The following IGSF9B variants were observed in gnomAD, a reference collection of about 807,000 sequenced individuals.
IGSF9B encodes immunoglobulin superfamily member 9B.
Under a neutral mutation model 143.7 loss-of-function variants are expected in IGSF9B, and 48 were observed. That is an observed-to-expected ratio of 0.33 (90% CI 0.26 to 0.42). The LOEUF (loss-of-function observed/expected upper bound fraction) is 0.42, where lower values mean the gene tolerates loss of function less well. IGSF9B is among the 20% of genes least tolerant of loss of function. The pLI is 1.00. For missense variants in IGSF9B, 1,706 were observed against 1,980.0 expected, an observed-to-expected ratio of 0.86 and a Z score of 2.63; for synonymous variants, 903 against 833.1, an observed-to-expected ratio of 1.08 and a Z score of -1.44.
chr11:133,921,589 G>C (rs947994941), intron 17 of IGSF9B, among the ~76,000 whole-genome samples, 192 bp from the exon 18 acceptor site: 2 of 151,600 alleles, frequency 1.3e-5, no homozygotes, highest in Non-Finnish European at 2.9e-5. Flanking sequence ...TTTTTTTAAA[G>C]ACGGGGTCTT....
rs1356859003 is a variant in IGSF9B, at chr11:133,945,345, G to T, written c.262+716C>A. ...GAGCGAAAGAGGGACAGAGACGGAA[G>T]CATTCTGAGAAAGGCAGGGCAGACC... On this transcript the variant is annotated intron_variant, in intron 2 of 19. Transcript: ENST00000533871. The surrounding 1 kb of genome is among the most constrained non-coding windows in gnomAD (Gnocchi z 4.6). 1.3e-5 allele frequency among the ~76,000 whole-genome samples: 2 copies of T among 152,226 alleles called. No individual in the cohort carries two copies. The highest frequency in any genetic ancestry group is 1.3e-4 in the Admixed American group (2 of 15,288).
chr11:133,912,464 A>T (rs1939315965), intron 18 of IGSF9B: 1 of 427,712 alleles, frequency 2.3e-6, no homozygotes. Context: ...CTCCATCTCC[A>T]GAAAAGGGGG....
rs1257921346 is a variant in IGSF9B at position 133,897,307 on chromosome 11, C to G, written c.*11762G>C. ...TCAAGCTCGTACTTAGTACATTCAC[C>G]ATGACACTGTGCACCTGTGAGCTCT... On this transcript the variant is annotated 3_prime_UTR_variant, in exon 20 of 20. Coordinates refer to ENST00000533871, the MANE Select transcript of IGSF9B (RefSeq NM_001277285.4). The G allele has an allele frequency of 6.6e-6, 1 of 152,328 alleles. No individual in the cohort carries two copies. The highest frequency in any genetic ancestry group is 1.5e-5 in the Non-Finnish European group (1 of 68,106). The allele number at this position is 152,328 out of a possible 1,614,324, so 9.4% of individuals were successfully genotyped here.
At position 133,922,613 on chromosome 11, in the gene IGSF9B, C is replaced by T. The variant is rs776341848; in HGVS notation, c.2237G>A (p.Cys746Tyr). 4 of 1,609,268 alleles carry T rather than the reference C, an allele frequency of 2.5e-6. No individual in the cohort carries two copies. The Admixed American group carries it at 6.7e-5, about 27-fold the overall frequency. ...ACGCTTGCGCTGCTTGTTGACAAAG[C>T]AGGCAGCCAGGGTGCTGAACAGGAT... Reference protein sequence around the residue: ...AAILFSTLAACFVNKQRKRKL... With the variant: ...AAILFSTLAAYFVNKQRKRKL... The change falls in exon 16 of 20, where the codon TGC becomes TAC. Residue 746 changes from cysteine (C) to tyrosine (Y), a missense_variant. Transcript: ENST00000533871.
chr11:133,935,548 C>T, intron 7 of IGSF9B, 69 bp downstream of exon 7: 5 of 1,317,268 alleles, frequency 3.8e-6, no homozygotes, highest in Non-Finnish European at 5.2e-6. Context: ...ACCCTCCAGC[C>T]TACAGTCTGG....
intron 17 of IGSF9B, among the ~76,000 whole-genome samples, chr11:133,921,710 T>A (rs1418617467): frequency 1.3e-5 from 2 of 151,860 alleles, no homozygotes; most frequent in Admixed American, 6.6e-5. Flanking sequence ...GCCCCCCCCA[T>A]CATCCGTCTT....
At position 133,948,056 on chromosome 11, in the gene IGSF9B, C is replaced by CGTGTGTGTGTGTGTGTGT. The variant is rs71038546; in HGVS notation, c.65-1816_65-1799dup. Among the ~76,000 whole-genome samples the CGTGTGTGTGTGTGTGTGT allele has an allele frequency of 1.4e-5, 2 of 147,296 alleles. No individual in the cohort carries two copies. The highest frequency in any genetic ancestry group is 5.1e-5 in the African/African-American group (2 of 39,190). ...CTGTTTCTGTCTACCAGCATGTGTG[C>CGTGTGTGTGTGTGTGTGT]GTGTGTGTGTGTGTGTGTGTGTGTG... On this transcript the variant is annotated intron_variant, in intron 1 of 19. Coordinates refer to ENST00000533871, the MANE Select transcript of IGSF9B (RefSeq NM_001277285.4). The surrounding 1 kb of genome is among the most constrained non-coding windows in gnomAD (Gnocchi z 4.7).
chr11:133,948,894 G>A lies in IGSF9B; in HGVS notation c.65-2636C>T, dbSNP rs571116528. ...TGGCTTCCAGGTGGAGGGCTCTAGCGGGCAACGCCAGGAGGTGGGTTGGCT... is the reference window on the plus strand; with the variant it reads ...TGGCTTCCAGGTGGAGGGCTCTAGCAGGCAACGCCAGGAGGTGGGTTGGCT... On this transcript the variant is annotated intron_variant, in intron 1 of 19. Coordinates refer to ENST00000533871, the MANE Select transcript of IGSF9B (RefSeq NM_001277285.4). This position sits in a 1 kb window ranked among gnomAD's most constrained non-coding sequence, Gnocchi z 4.7. Among the ~76,000 whole-genome samples the A allele has an allele frequency of 1.3e-4, 20 of 152,232 alleles. No individual in the cohort carries two copies. The highest frequency in any genetic ancestry group is 3.9e-4 in the African/African-American group (16 of 41,546).
In IGSF9B at chr11:133,902,835, C is replaced by T. The variant is rs1939160286; in HGVS notation, c.*6234G>A. Among the ~76,000 whole-genome samples, 1 of 152,168 alleles carries T rather than the reference C, an allele frequency of 6.6e-6. No homozygotes were observed. The highest frequency in any genetic ancestry group is 6.5e-5 in the Admixed American group (1 of 15,274). On this transcript the variant is annotated 3_prime_UTR_variant, in exon 20 of 20. Transcript: ENST00000533871. The stretch of plus-strand genomic sequence containing the variant: ...AAGATGACCGTGAGGAGGCTCATCC[C>T]TCCACCAGAAATACAGCTTCATAGA...
chr11:133,955,354 C>T (rs1940232283), intron 1 of IGSF9B, among the ~76,000 whole-genome samples: 1 of 152,242 alleles, frequency 6.6e-6, no homozygotes, highest in Admixed American at 6.5e-5. Context: ...CTTCGCTTCG[C>T]CCTCTGCTCG....
In IGSF9B at chr11:133,931,336, G is replaced by T; in HGVS notation, c.1368+117C>A. ...GGTCCAGAATAGAACTGCTCGCTGGGCCCTCACACCTCCCCTCAGCCCCGG... is the reference window on the plus strand; with the variant it reads ...GGTCCAGAATAGAACTGCTCGCTGGTCCCTCACACCTCCCCTCAGCCCCGG... On this transcript the variant is annotated intron_variant, in intron 10 of 19. Transcript: ENST00000533871. This position sits in a 1 kb window ranked among gnomAD's most constrained non-coding sequence, Gnocchi z 7.7. 1 of 854,004 alleles carries T rather than the reference G, an allele frequency of 1.2e-6. No individual in the cohort carries two copies. The allele number at this position is 854,004 out of a possible 1,614,324, so 52.9% of individuals were successfully genotyped here. A position where few individuals can be genotyped will look rare whatever the true frequency, so the allele number is the denominator to read the frequency against.
rs547750322 is a variant in IGSF9B at position 133,907,009 on chromosome 11, T to A, written c.*2060A>T. 6.6e-6 allele frequency among the ~76,000 whole-genome samples: 1 copy of A among 152,120 alleles called. No individual in the cohort carries two copies. Among genetic ancestry groups the A allele is most frequent in the Non-Finnish European group, 1.5e-5 (1 of 68,026 alleles). On this transcript the variant is annotated 3_prime_UTR_variant, in exon 20 of 20. Coordinates refer to ENST00000533871, the MANE Select transcript of IGSF9B (RefSeq NM_001277285.4). The stretch of plus-strand genomic sequence containing the variant: ...AAAAAGAACACAAAGAGTTGTGTGC[T>A]CTTCCATCTCGCAGAGCTGGTGCCC...
At chr11:133,935,806 G>A (rs1031659059) in intron 6 of IGSF9B, 44 bp from the exon 7 acceptor site, 21 of 1,593,386 alleles carry the variant, frequency 1.3e-5, no homozygotes, top group Non-Finnish European at 1.8e-5. Flanking sequence ...AGCAGAAGGG[G>A]ATCTTGCCGC....
chr11:133,912,283 A>G (rs757352439), intron 18 of IGSF9B: 1 of 601,176 alleles, frequency 1.7e-6, no homozygotes, highest in South Asian at 1.5e-5. Flanking sequence ...GAGAGATTTT[A>G]ATAGTAAGCA....
At position 133,902,448 on chromosome 11, in the gene IGSF9B, G is replaced by GACACACCACACACAGATAC. The variant is rs1193103922; in HGVS notation, c.*6602_*6620dup. The stretch of plus-strand genomic sequence containing the variant: ...CACACCACACCACACACACCACCCA[G>GACACACCACACACAGATAC]ACACACCACACACAGATACACACAC... On this transcript the variant is annotated 3_prime_UTR_variant, in exon 20 of 20. Transcript: ENST00000533871. 7.8e-6 allele frequency among the ~76,000 whole-genome samples: 1 copy of GACACACCACACACAGATAC among 127,424 alleles called. No homozygotes were observed. The highest frequency in any genetic ancestry group is 2.5e-4 in the South Asian group (1 of 3,974). 83.6% of individuals were successfully genotyped at this position (127,424 alleles called of 152,430 possible). A position where few individuals can be genotyped will look rare whatever the true frequency, so the allele number is the denominator to read the frequency against.
intron 15 of IGSF9B, among the ~76,000 whole-genome samples, chr11:133,924,516 C>G (rs1407296567): frequency 6.6e-6 from 1 of 152,190 alleles, no homozygotes; most frequent in Non-Finnish European, 1.5e-5. Flanking sequence ...AAATGTACAG[C>G]AAATAGCACT....
rs1940088788 is a variant in IGSF9B, at chr11:133,948,056, C to CGCGTGTGT, written c.65-1799_65-1798insACACACGC. Among the ~76,000 whole-genome samples, 1 of 147,186 alleles carries CGCGTGTGT rather than the reference C, an allele frequency of 6.8e-6. No individual in the cohort carries two copies. Among genetic ancestry groups the CGCGTGTGT allele is most frequent in the African/African-American group, 2.6e-5 (1 of 39,074 alleles). Reference sequence around the variant, plus strand: ...CTGTTTCTGTCTACCAGCATGTGTGCGTGTGTGTGTGTGTGTGTGTGTGTG... The same window carrying CGCGTGTGT: ...CTGTTTCTGTCTACCAGCATGTGTGCGCGTGTGTGTGTGTGTGTGTGTGTGTGTGTGTG... On this transcript the variant is annotated intron_variant, in intron 1 of 19. Coordinates refer to ENST00000533871, the MANE Select transcript of IGSF9B (RefSeq NM_001277285.4). The surrounding 1 kb of genome is among the most constrained non-coding windows in gnomAD (Gnocchi z 4.7).
Position 133,945,899 on chromosome 11 carries a change from C to T in IGSF9B, c.262+162G>A, listed in dbSNP as rs766339771. ...CACCTCCACAGCCCTCTCCTCCCAC[C>T]GCTTGATTAGAACCAACAGAGGACA... On this transcript the variant is annotated intron_variant, in intron 2 of 19. Coordinates refer to ENST00000533871, the MANE Select transcript of IGSF9B (RefSeq NM_001277285.4). The surrounding 1 kb of genome is among the most constrained non-coding windows in gnomAD (Gnocchi z 4.6). 6.6e-6 allele frequency among the ~76,000 whole-genome samples: 1 copy of T among 151,986 alleles called. No individual in the cohort carries two copies. The highest frequency in any genetic ancestry group is 1.9e-4 in the East Asian group (1 of 5,140).
At chr11:133,922,344 G>A in intron 16 of IGSF9B, 122 bp from the exon 17 acceptor site, 2 of 1,024,470 alleles carry the variant, frequency 2.0e-6, no homozygotes. Context: ...CTCACAGTGG[G>A]CATCTTTGGC....
Sources: gnomAD v4.1 joint callset for allele counts (sites outside exome capture counted in the v4.1 genomes callset) on GRCh38, gnomAD v4.1.1 for gene constraint, Gnocchi (gnomAD v3.1) non-coding constraint, MANE v1.5 for transcripts, NCBI Gene and HGNC (gene_info 2026-07-23, HGNC 2026-07-21) for gene names.